OPCML: variants seen among roughly 807,000 people sequenced by gnomAD.
The protein encoded by OPCML is opioid binding protein/cell adhesion molecule like.
A neutral mutation model predicts 37.8 loss-of-function variants in OPCML; 13 were observed. That is an observed-to-expected ratio of 0.34 (90% CI 0.22 to 0.55). The LOEUF (loss-of-function observed/expected upper bound fraction) is 0.55. Among genes scored for constraint, OPCML ranks in the 20% least tolerant of loss-of-function variants. The probability of loss-of-function intolerance (pLI) is 0.91; values close to 1 mark genes in which losing one functional copy is unlikely to be tolerated. For missense variants in OPCML, 341 were observed against 435.6 expected, an observed-to-expected ratio of 0.78 and a Z score of 1.93; for synonymous variants, 176 against 168.8, an observed-to-expected ratio of 1.04 and a Z score of -0.33.
chr11:133,112,313 G>GAAAAA (rs1565453484), intron 1 of OPCML, among the ~76,000 whole-genome samples: 677 of 65,854 alleles, frequency 0.01, 1 homozygote, highest in Middle Eastern at 0.027. Context: ...AAAAAAAAGG[G>GAAAAA]GAAAGAAACA....
intron 1 of OPCML, chr11:133,004,758 C>T (rs1299186164): frequency 3.0e-6 from 3 of 985,316 alleles, no homozygotes; most frequent in Non-Finnish European, 2.4e-6. Flanking sequence ...TGGATGGACG[C>T]TGGCTCAGAA....
At chr11:133,067,819 C>T (rs1948463447) in intron 1 of OPCML, 2 of 152,180 alleles carry the variant, frequency 1.3e-5, no homozygotes, top group South Asian at 4.1e-4. Flanking sequence ...TGCCTACTCC[C>T]ACAGTAAAAT....
In OPCML at chr11:132,735,612, T is replaced by G. The variant is rs188254392; in HGVS notation, c.147-78293A>C. Reference sequence around the variant, plus strand: ...CACTCTCCTACCTCAGCCTCCCGAGTAGCTGGGACTACAGGCACCCACCAC... The same window carrying G: ...CACTCTCCTACCTCAGCCTCCCGAGGAGCTGGGACTACAGGCACCCACCAC... On this transcript the variant is annotated intron_variant, in intron 2 of 7. Transcript: ENST00000524381. Among the ~76,000 whole-genome samples the G allele has an allele frequency of 9.2e-5, 14 of 151,980 alleles. No homozygotes were observed. In the East Asian group the frequency reaches 2.7e-3, roughly 30 times the overall value.
intron 1 of OPCML, among the ~76,000 whole-genome samples, chr11:133,492,372 C>T (rs984021290): frequency 2.0e-5 from 3 of 152,176 alleles, no homozygotes; most frequent in Non-Finnish European, 4.4e-5. Flanking sequence ...CCCTAGGAGA[C>T]GAAACTCTCA....
At chr11:133,014,588 G>A (rs1591912489) in intron 1 of OPCML, among the ~76,000 whole-genome samples, 1 of 152,276 alleles carries the variant, frequency 6.6e-6, no homozygotes, top group Non-Finnish European at 1.5e-5. Flanking sequence ...GTATGTCCAT[G>A]CAGGAGACAG....
At position 133,011,365 on chromosome 11, in the gene OPCML, G is replaced by T. The variant is rs548854788; in HGVS notation, c.62-68355C>A. 1.8e-3 allele frequency among the ~76,000 whole-genome samples: 269 copies of T among 152,262 alleles called. 1 individual carries two copies. The highest frequency in any genetic ancestry group is 2.9e-3 in the Non-Finnish European group (196 of 68,016). ...AGAGAAGTGAGCCCCATGATCCCTGGTTACTGCAGGTGTTGAGGCTGCAAC... is the reference window on the plus strand; with the variant it reads ...AGAGAAGTGAGCCCCATGATCCCTGTTTACTGCAGGTGTTGAGGCTGCAAC... On this transcript the variant is annotated intron_variant, in intron 1 of 7. Transcript: ENST00000524381.
intron 1 of OPCML, among the ~76,000 whole-genome samples, chr11:133,495,547 G>A (rs916910844): frequency 3.3e-5 from 5 of 151,940 alleles, no homozygotes; most frequent in Non-Finnish European, 7.4e-5. Context: ...CCTGATCACC[G>A]CATCCACACC....
At chr11:132,901,519 T>C (rs569885765) in intron 2 of OPCML, among the ~76,000 whole-genome samples, 245 of 152,336 alleles carry the variant, frequency 1.6e-3, no homozygotes, top group African/African-American at 5.4e-3. Flanking sequence ...TTTATTTCTC[T>C]GCAAAATATA....
chr11:132,623,906 C>T (rs1315200335), intron 3 of OPCML, among the ~76,000 whole-genome samples: 5 of 152,194 alleles, frequency 3.3e-5, no homozygotes, highest in African/African-American at 4.8e-5. Flanking sequence ...GGGGCTTATA[C>T]GTACACTACA....
intron 1 of OPCML, among the ~76,000 whole-genome samples, chr11:133,136,173 A>C (rs975829569): frequency 3.3e-5 from 5 of 152,224 alleles, no homozygotes; most frequent in African/African-American, 9.6e-5. Flanking sequence ...CATACAGTAA[A>C]ACCCATTTAG....
intron 1 of OPCML, among the ~76,000 whole-genome samples, chr11:133,252,827 A>G (rs1941180025): frequency 6.6e-6 from 1 of 152,138 alleles, no homozygotes; most frequent in Admixed American, 6.5e-5. Context: ...AACCCAGATT[A>G]TGTGAATCCC....
chr11:132,523,136 A>T (rs2096298403), intron 4 of OPCML, among the ~76,000 whole-genome samples: 1 of 152,122 alleles, frequency 6.6e-6, no homozygotes, highest in East Asian at 1.9e-4. Flanking sequence ...TGAACTCCTG[A>T]CCTCAGGTGA....
chr11:132,942,865 C>T (rs1300738767), intron 2 of OPCML, 61 bp downstream of exon 2: 5 of 1,602,942 alleles, frequency 3.1e-6, no homozygotes, highest in South Asian at 1.1e-5. Flanking sequence ...CCCCCTCTTC[C>T]CTCCTCTCCC....
At chr11:133,172,330 A>G (rs1438549133) in intron 1 of OPCML, among the ~76,000 whole-genome samples, 1 of 152,224 alleles carries the variant, frequency 6.6e-6, no homozygotes, top group Non-Finnish European at 1.5e-5. Flanking sequence ...ACAGTGCAAG[A>G]CAGCACCGAG....
chr11:132,789,868 A>C (rs78483039), intron 2 of OPCML, among the ~76,000 whole-genome samples: 2 of 152,092 alleles, frequency 1.3e-5, no homozygotes, highest in African/African-American at 4.8e-5. Flanking sequence ...AAGGGGGAGG[A>C]ATTTCTCAAG....
intron 3 of OPCML, among the ~76,000 whole-genome samples, chr11:132,649,803 GTCTCT>G (rs966971375): frequency 1.3e-5 from 2 of 151,954 alleles, no homozygotes; most frequent in Non-Finnish European, 2.9e-5. Flanking sequence ...CATTGATCAG[GTCTCT>G]TCTCCCATTG....
chr11:133,083,246 G>C (rs1948767701), intron 1 of OPCML, among the ~76,000 whole-genome samples: 1 of 151,598 alleles, frequency 6.6e-6, no homozygotes, highest in African/African-American at 2.4e-5. Context: ...GGCGGGAGCG[G>C]GAGCCGCGGG....
At chr11:133,067,426 G>C (rs950725822) in intron 1 of OPCML, 1 of 152,170 alleles carries the variant, frequency 6.6e-6, no homozygotes, top group Non-Finnish European at 1.5e-5. Context: ...GGACTCCTCT[G>C]GGGGTTGAAA....
At chr11:132,646,645 A>G (rs1453390338) in intron 3 of OPCML, among the ~76,000 whole-genome samples, 3 of 152,190 alleles carry the variant, frequency 2.0e-5, no homozygotes, top group Non-Finnish European at 4.4e-5. Flanking sequence ...TGGACATGAC[A>G]TTTGCTTTGA....
Sources: allele counts gnomAD v4.1 joint callset (sites outside exome capture counted in the v4.1 genomes callset), GRCh38; gene constraint gnomAD v4.1.1; transcripts MANE v1.5; gene names NCBI Gene and HGNC (gene_info 2026-07-23, HGNC 2026-07-21).